GOLGA4: variants seen among roughly 807,000 people sequenced by gnomAD.
GOLGA4 encodes the protein golgin subfamily A member 4.
A neutral mutation model predicts 265.9 loss-of-function variants in GOLGA4; 169 were observed. The observed-to-expected ratio is 0.64, with a 90% CI of 0.56 to 0.72. The LOEUF (loss-of-function observed/expected upper bound fraction) is 0.72, where lower values mean the gene tolerates loss of function less well. GOLGA4 is among the 30% of genes least tolerant of loss of function. The pLI is 0.00. For synonymous variants in GOLGA4, 923 were observed against 855.8 expected (o/e 1.08, Z -1.37); for missense variants, 2,482 against 2,483.4 (o/e 1.00, Z 0.01).
In GOLGA4 at chr3:37,313,823, G is replaced by A. The variant is rs953470202; in HGVS notation, c.1235-1597G>A. 4.6e-5 allele frequency among the ~76,000 whole-genome samples: 7 copies of A among 152,096 alleles called. 1 individual carries two copies. The highest frequency in any genetic ancestry group is 1.0e-4 in the Non-Finnish European group (7 of 68,030). On this transcript the variant is annotated intron_variant, in intron 10 of 23. Coordinates refer to ENST00000361924, the MANE Select transcript of GOLGA4 (RefSeq NM_002078.5). ...AAATACCAATATCAACTTGTGAAGG[G>A]CTTATCCAGACATAACTTTATTATT...
At position 37,327,464 on chromosome 3, in the gene GOLGA4, G is replaced by A. The variant is rs373176098; in HGVS notation, c.5578G>A (p.Asp1860Asn). The change falls in exon 14 of 24, where the codon GAT (aspartate) becomes AAT (asparagine). Residue 1860 changes from aspartate (D) to asparagine (N), a missense_variant. This residue lies in a region of GOLGA4 where 942 missense variants were observed against 983.1 expected (regional missense o/e 0.96). Transcript: ENST00000361924. Reference sequence around the variant, plus strand: ...TTTGGAGCAAAAGATAAAAGAGCTGGATTCCTGCTTAGTAAGACAGAAAGA... The same window carrying A: ...TTTGGAGCAAAAGATAAAAGAGCTGAATTCCTGCTTAGTAAGACAGAAAGA... Reference protein sequence around the residue: ...QILEQKIKELDSCLVRQKEVH... With the variant: ...QILEQKIKELNSCLVRQKEVH... The A allele has an allele frequency of 2.5e-6, 4 of 1,613,126 alleles. No homozygotes were observed. In the East Asian group the frequency reaches 6.7e-5, roughly 27 times the overall value.
chr3:37,360,849 T>G (rs972083451), intron 22 of GOLGA4, among the ~76,000 whole-genome samples: 22 of 152,144 alleles, frequency 1.4e-4, no homozygotes. Context: ...TCCCGAAAAC[T>G]TTTTAGGGTA....
chr3:37,359,801 T>C (rs142706099), intron 22 of GOLGA4, among the ~76,000 whole-genome samples: 1 of 152,306 alleles, frequency 6.6e-6, no homozygotes, highest in African/African-American at 2.4e-5. Context: ...CCACACGAGG[T>C]TTACCCTTTC....
intron 11 of GOLGA4, among the ~76,000 whole-genome samples, chr3:37,317,075 T>G (rs1237170187): frequency 6.6e-6 from 1 of 152,210 alleles, no homozygotes; most frequent in East Asian, 1.9e-4. Flanking sequence ...TGCTCAAGAT[T>G]CTATTGTATG....
chr3:37,324,136 T>C lies in GOLGA4; in HGVS notation c.2250T>C (p.Thr750=). The change falls in exon 14 of 24, where the codon ACT becomes ACC. Residue 750 remains threonine (T), a synonymous_variant. Coordinates refer to ENST00000361924, the MANE Select transcript of GOLGA4 (RefSeq NM_002078.5). ...IKEHEVSIQR[T]EKALKDQINQ... ...AACACGAGGTATCTATCCAGAGGACTGAGAAGGCATTAAAAGATCAAATTA... is the reference window on the plus strand; with the variant it reads ...AACACGAGGTATCTATCCAGAGGACCGAGAAGGCATTAAAAGATCAAATTA... The C allele has an allele frequency of 1.9e-6, 3 of 1,614,038 alleles. No individual in the cohort carries two copies. The highest frequency in any genetic ancestry group is 1.3e-5 in the African/African-American group (1 of 75,056).
intron 19 of GOLGA4, 44 bp downstream of exon 19, chr3:37,337,778 T>C: frequency 8.1e-7 from 1 of 1,236,862 alleles, no homozygotes; most frequent in Non-Finnish European, 1.2e-6. Context: ...TAAAGTTTCG[T>C]TAATATGTAC....
At chr3:37,276,772 G>C (rs2096820490) in intron 2 of GOLGA4, among the ~76,000 whole-genome samples, 2 of 152,194 alleles carry the variant, frequency 1.3e-5, no homozygotes, top group Admixed American at 1.3e-4. Context: ...TTTCAGATCA[G>C]TAGGGAGACC....
chr3:37,262,672 G>GC (rs1474059737), intron 2 of GOLGA4, among the ~76,000 whole-genome samples: 2 of 152,190 alleles, frequency 1.3e-5, no homozygotes, highest in Admixed American at 1.3e-4. Flanking sequence ...GGAGGCGGAG[G>GC]CAGGTGGATT....
At chr3:37,282,437 C>T (rs571015173) in intron 3 of GOLGA4, among the ~76,000 whole-genome samples, 165 bp downstream of exon 3, 1 of 151,766 alleles carries the variant, frequency 6.6e-6, no homozygotes, top group Admixed American at 6.6e-5. Context: ...TAAAGACTCT[C>T]AATATCTAGT....
At position 37,335,499 on chromosome 3, in the gene GOLGA4, A is replaced by T. The variant is rs545128378; in HGVS notation, c.6306+333A>T. ...AATCTTATAACCCTGGAGCATAGCT[A>T]AAAATGGTCCATTGTAAATGTGATA... is the stretch of plus-strand genomic sequence containing the variant. On this transcript the variant is annotated intron_variant, in intron 17 of 23. Coordinates refer to ENST00000361924, the MANE Select transcript of GOLGA4 (RefSeq NM_002078.5). Among the ~76,000 whole-genome samples, 3 of 152,306 alleles carry T rather than the reference A, an allele frequency of 2.0e-5. No homozygotes were observed. In the East Asian group the frequency reaches 5.8e-4, roughly 29 times the overall value.
chr3:37,335,676 CAG>C (rs2097008829), intron 17 of GOLGA4, among the ~76,000 whole-genome samples: 2 of 151,094 alleles, frequency 1.3e-5, no homozygotes, highest in Admixed American at 6.6e-5. Context: ...GCCAGTGGAC[CAG>C]ATGCAAATAC....
At chr3:37,277,959 G>A (rs1428409752) in intron 2 of GOLGA4, among the ~76,000 whole-genome samples, 1 of 152,106 alleles carries the variant, frequency 6.6e-6, no homozygotes, top group Non-Finnish European at 1.5e-5. Context: ...ATTTTTAAAT[G>A]TCCATGTTAA....
intron 2 of GOLGA4, among the ~76,000 whole-genome samples, chr3:37,254,702 C>T (rs2096743618): frequency 6.6e-6 from 1 of 151,596 alleles, no homozygotes. Context: ...CGGAGTTTCA[C>T]CATGTTGCTG....
chr3:37,298,688 C>A, intron 7 of GOLGA4, 145 bp from the exon 8 acceptor site: 2 of 585,642 alleles, frequency 3.4e-6, no homozygotes, highest in South Asian at 2.8e-5. Flanking sequence ...CAGCCTACAC[C>A]CAGGAACGAA....
At chr3:37,297,242 A>G (rs1406840331) in intron 7 of GOLGA4, among the ~76,000 whole-genome samples, 2 of 152,182 alleles carry the variant, frequency 1.3e-5, no homozygotes, top group Non-Finnish European at 2.9e-5. Context: ...TTTTCTTTCA[A>G]AGGGACTTAT....
At position 37,337,124 on chromosome 3, in the gene GOLGA4, T is replaced by C. The variant is rs755357274; in HGVS notation, c.6307-19T>C. 2.6e-5 allele frequency: 37 copies of C among 1,405,454 alleles called. No homozygotes were observed. The highest frequency in any genetic ancestry group is 3.6e-5 in the Non-Finnish European group (36 of 1,002,144). The allele number at this position is 1,405,454 out of a possible 1,614,324, so 87.1% of individuals were successfully genotyped here. A position where few individuals can be genotyped will look rare whatever the true frequency, so the allele number is the denominator to read the frequency against. On this transcript the variant is annotated intron_variant, in intron 17 of 23. Coordinates refer to ENST00000361924, the MANE Select transcript of GOLGA4 (RefSeq NM_002078.5). ...GCTATTATTGTATACACTCATGTTT[T>C]TTCTTTCCATTTTTTCAGGTAACAA... is the stretch of plus-strand genomic sequence containing the variant.
intron 2 of GOLGA4, among the ~76,000 whole-genome samples, chr3:37,257,966 TATACATAC>T (rs572891345): frequency 9.6e-6 from 1 of 104,120 alleles, no homozygotes; most frequent in African/African-American, 4.6e-5. Flanking sequence ...TATATGTATA[TATACATAC>T]ATATATATAT....
intron 23 of GOLGA4, among the ~76,000 whole-genome samples, chr3:37,362,543 AT>A (rs925772867): frequency 6.7e-6 from 1 of 148,808 alleles, no homozygotes; most frequent in African/African-American, 2.5e-5. Context: ...GGCCTTATTT[AT>A]TTTTTTTTAA....
At chr3:37,248,254 C>A (rs2096724786) in intron 1 of GOLGA4, among the ~76,000 whole-genome samples, 1 of 152,204 alleles carries the variant, frequency 6.6e-6, no homozygotes, top group Non-Finnish European at 1.5e-5. Context: ...GGATTACAGG[C>A]ATGAGCCACT....
Sources: gnomAD v4.1 joint callset for allele counts (sites outside exome capture counted in the v4.1 genomes callset) on GRCh38, gnomAD v4.1.1 for gene constraint, gnomAD v4.1.1 regional missense constraint, MANE v1.5 for transcripts, NCBI Gene and HGNC (gene_info 2026-07-23, HGNC 2026-07-21) for gene names.